Variants in RASA2 observed in about 807,000 individuals in gnomAD.
The protein encoded by RASA2 is RAS p21 protein activator 2, also known as ras GTPase-activating protein 2.
A neutral mutation model predicts 118.2 loss-of-function variants in RASA2; 155 were observed. The ratio of observed to expected loss-of-function variants is 1.31; its 90% CI spans 1.15 to 1.50. The LOEUF is 1.50. Among genes scored for constraint, RASA2 ranks in the 40% most tolerant of loss-of-function variants. The probability of loss-of-function intolerance (pLI) is 0.00; values close to 1 mark genes in which losing one functional copy is unlikely to be tolerated. For missense variants in RASA2, 1,016 were observed against 1,009.6 expected (o/e 1.01, Z -0.09); for synonymous variants, 353 against 349.1 (o/e 1.01, Z -0.12).
chr3:141,493,266 C>T (rs879782125), intron 1 of RASA2, among the ~76,000 whole-genome samples: 2 of 152,212 alleles, frequency 1.3e-5, no homozygotes, highest in Non-Finnish European at 2.9e-5. Flanking sequence ...GTGCCGTCTA[C>T]ACACTCTTAA....
intron 5 of RASA2, among the ~76,000 whole-genome samples, chr3:141,548,749 T>C (rs2082526150): frequency 6.6e-6 from 1 of 152,218 alleles, no homozygotes; most frequent in Admixed American, 6.5e-5. Context: ...TACAACATTT[T>C]TTGAACTTTA....
chr3:141,577,016 G>A lies in RASA2; in HGVS notation c.1500G>A (p.Gln500=), dbSNP rs1456341198. 1.9e-6 allele frequency: 3 copies of A among 1,605,076 alleles called. No homozygotes were observed. The highest frequency in any genetic ancestry group is 1.3e-5 in the African/African-American group (1 of 74,522). The change falls in exon 15 of 24, where the codon CAG becomes CAA. Residue 500 remains glutamine, a synonymous_variant. Coordinates refer to ENST00000286364, the MANE Select transcript of RASA2 (RefSeq NM_006506.5). ...TTCCTGCAGATGACCCTCATGTTCA[G>A]TATTCTGCAGTGAGCAGCTTTGTAT... The part of the protein sequence containing the change: ...TQRFPNDPHV[Q]YSAVSSFVFL...
chr3:141,549,021 G>A (rs2082530468), intron 5 of RASA2, among the ~76,000 whole-genome samples: 2 of 152,080 alleles, frequency 1.3e-5, no homozygotes, highest in African/African-American at 4.8e-5. Context: ...CCTCACATGG[G>A]CACTTATATC....
chr3:141,581,055 A>T, intron 16 of RASA2, 45 bp from the exon 17 acceptor site: 2 of 1,452,422 alleles, frequency 1.4e-6, no homozygotes, highest in Non-Finnish European at 1.8e-6. Flanking sequence ...TCTATTCTTA[A>T]TTCTCTATTT....
In RASA2 at chr3:141,593,901, T is replaced by C. The variant is rs879689673; in HGVS notation, c.1933+7149T>C. On this transcript the variant is annotated intron_variant, in intron 19 of 23. Transcript: ENST00000286364. The stretch of plus-strand genomic sequence containing the variant: ...TTTATTCATGAAGGCCAGTATGTAA[T>C]GGAACATTAACAACTCAAGAAGAAA... 3.9e-5 allele frequency among the ~76,000 whole-genome samples: 6 copies of C among 152,162 alleles called. No individual in the cohort carries two copies. The East Asian group carries it at 9.6e-4, about 24-fold the overall frequency.
chr3:141,538,878 T>A (rs75165519), intron 4 of RASA2, among the ~76,000 whole-genome samples: 7,268 of 152,296 alleles, frequency 0.048, 577 homozygotes, highest in African/African-American at 0.17. Flanking sequence ...TATAATACTA[T>A]GATTTTAGTT....
rs1346715964 is a variant in RASA2, at chr3:141,553,778, A to G, written c.528-79A>G. 4.5e-6 allele frequency: 7 copies of G among 1,549,948 alleles called. No homozygotes were observed. The African/African-American group carries it at 9.7e-5, about 21-fold the overall frequency. On this transcript the variant is annotated intron_variant, in intron 5 of 23. Coordinates refer to ENST00000286364, the MANE Select transcript of RASA2 (RefSeq NM_006506.5). ...AAACAATTCTTAACCTTTTGAATGT[A>G]TTAGTTTGTGTTTAAAGATAATGTT...
intron 1 of RASA2, among the ~76,000 whole-genome samples, chr3:141,508,082 C>T (rs2081895897): frequency 6.6e-6 from 1 of 151,824 alleles, no homozygotes; most frequent in African/African-American, 2.4e-5. Context: ...TTGAGAAACT[C>T]ATTTGTTTCT....
At chr3:141,587,000 A>G in intron 19 of RASA2, 1 of 477,070 alleles carries the variant, frequency 2.1e-6, no homozygotes, top group South Asian at 2.1e-5. Flanking sequence ...TTTTCTAAAA[A>G]TCCATAGTAA....
intron 1 of RASA2, among the ~76,000 whole-genome samples, chr3:141,495,492 A>G (rs1380719851): frequency 2.6e-5 from 4 of 152,256 alleles, no homozygotes; most frequent in Non-Finnish European, 5.9e-5. Context: ...AAACATGAAA[A>G]TATTGGTAAA....
chr3:141,609,484 C>CT lies in RASA2; in HGVS notation c.2295dup (p.Thr766TyrfsTer6). ...CAGAGAAACAGAAAGAATTTATTCC[C>CT]TTTTTACCCTCAGTTTACTTAAGCT... is the stretch of plus-strand genomic sequence containing the variant. On this transcript the variant is annotated frameshift_variant, in exon 22 of 24. Coordinates refer to ENST00000286364, the MANE Select transcript of RASA2 (RefSeq NM_006506.5). LOFTEE classifies it high-confidence loss of function. 6.2e-7 allele frequency: 1 copy of CT among 1,603,620 alleles called. No homozygotes were observed. Among genetic ancestry groups the CT allele is most frequent in the Non-Finnish European group, 8.5e-7 (1 of 1,172,450 alleles).
intron 1 of RASA2, among the ~76,000 whole-genome samples, chr3:141,504,899 A>C (rs772605067): frequency 6.6e-6 from 1 of 152,048 alleles, no homozygotes; most frequent in Admixed American, 6.5e-5. Flanking sequence ...CAGTGTGCCA[A>C]ACTATCCTGT....
Position 141,609,406 on chromosome 3 carries a change from TA to T in RASA2, c.2226-13del. 1 of 1,445,776 alleles carries T rather than the reference TA, an allele frequency of 6.9e-7. No homozygotes were observed. Among genetic ancestry groups the T allele is most frequent in the Non-Finnish European group, 9.3e-7 (1 of 1,072,950 alleles). 89.6% of individuals were successfully genotyped at this position (1,445,776 alleles called of 1,614,324 possible). On this transcript the variant is annotated splice_polypyrimidine_tract_variant and intron_variant, in intron 21 of 23. Coordinates refer to ENST00000286364, the MANE Select transcript of RASA2 (RefSeq NM_006506.5). Reference sequence around the variant, plus strand: ...AATTTGTATAATATCTTTATTTTTTTATTTTTACCATAGAGGTGTCCCTGCA... The same window carrying T: ...AATTTGTATAATATCTTTATTTTTTTTTTTTACCATAGAGGTGTCCCTGCA...
intron 16 of RASA2, 58 bp from the exon 17 acceptor site, chr3:141,581,042 C>T: frequency 1.4e-6 from 2 of 1,423,996 alleles, no homozygotes; most frequent in Non-Finnish European, 1.8e-6. Context: ...AAATACAGTC[C>T]ATTCTATTCT....
At chr3:141,514,657 G>A (rs2081997304) in intron 2 of RASA2, among the ~76,000 whole-genome samples, 1 of 152,140 alleles carries the variant, frequency 6.6e-6, no homozygotes, top group African/African-American at 2.4e-5. Context: ...ACATTCACCT[G>A]CCTTTTAACT....
At chr3:141,546,099 C>G (rs993292873) in intron 5 of RASA2, among the ~76,000 whole-genome samples, 1 of 152,114 alleles carries the variant, frequency 6.6e-6, no homozygotes, top group Non-Finnish European at 1.5e-5. Context: ...TTTATCAGTT[C>G]GCCTGTTGAT....
intron 4 of RASA2, among the ~76,000 whole-genome samples, chr3:141,535,226 G>C (rs1248966706): frequency 6.6e-6 from 1 of 152,050 alleles, no homozygotes. Flanking sequence ...ACACTTAATA[G>C]ACTGCAATAT....
At chr3:141,580,514 C>T (rs2083095370) in intron 16 of RASA2, 63 bp downstream of exon 16, 23 of 1,301,296 alleles carry the variant, frequency 1.8e-5, no homozygotes, top group Non-Finnish European at 2.4e-5. Flanking sequence ...CCTATGATCC[C>T]TTATCCTTGA....
chr3:141,607,570 C>A, intron 19 of RASA2, 108 bp from the exon 20 acceptor site: 2 of 1,137,474 alleles, frequency 1.8e-6, no homozygotes, highest in Non-Finnish European at 2.3e-6. Context: ...AGGTTATTTA[C>A]ACTCCTACCA....
Sources: gnomAD v4.1 joint callset for allele counts (sites outside exome capture counted in the v4.1 genomes callset) on GRCh38, gnomAD v4.1.1 for gene constraint, MANE v1.5 for transcripts, NCBI Gene and HGNC (gene_info 2026-07-23, HGNC 2026-07-21) for gene names.